The following CSMD1 variants were observed in gnomAD, a reference collection of about 807,000 sequenced individuals.
CSMD1 encodes the protein CUB and Sushi multiple domains 1.
Under a neutral mutation model 417.5 loss-of-function variants are expected in CSMD1, and 213 were observed. That is an observed-to-expected ratio of 0.51 (90% CI 0.46 to 0.57). The LOEUF is 0.57. Ranked by LOEUF, CSMD1 falls within the 20% of genes least tolerant of loss-of-function variation. The pLI is 0.00. For synonymous variants in CSMD1, 2,862 were observed against 1,736.8 expected, an observed-to-expected ratio of 1.65 and a Z score of -16.11; for missense variants, 6,923 against 4,529.7, an observed-to-expected ratio of 1.53 and a Z score of -15.17.
intron 1 of CSMD1, among the ~76,000 whole-genome samples, chr8:4,765,836 A>G (rs1323054474): frequency 1.3e-5 from 2 of 152,124 alleles, no homozygotes; most frequent in African/African-American, 2.4e-5. Context: ...AGTTAGAGAG[A>G]GCTTAGTAAC....
intron 3 of CSMD1, among the ~76,000 whole-genome samples, chr8:4,362,603 A>C: frequency 6.6e-6 from 1 of 152,198 alleles, no homozygotes; most frequent in East Asian, 1.9e-4. Context: ...CTGCTCAATA[A>C]ACATTCTTTT....
chr8:4,276,508 G>T (rs980151304), intron 3 of CSMD1, among the ~76,000 whole-genome samples: 4 of 152,142 alleles, frequency 2.6e-5, no homozygotes, highest in Admixed American at 2.6e-4. Flanking sequence ...GGGTTAGTGG[G>T]TGCAGCAAAC....
chr8:4,097,701 G>C (rs560755159), intron 3 of CSMD1, among the ~76,000 whole-genome samples: 1 of 152,294 alleles, frequency 6.6e-6, no homozygotes, highest in Admixed American at 6.5e-5. Context: ...TTGGAATTCA[G>C]AAAGAACATT....
At chr8:3,719,120 G>C (rs1046020120) in intron 6 of CSMD1, among the ~76,000 whole-genome samples, 1 of 152,180 alleles carries the variant, frequency 6.6e-6, no homozygotes, top group African/African-American at 2.4e-5. Flanking sequence ...GAAAGATTTT[G>C]TGTCCTGTTC....
rs1379918623 is a variant in CSMD1, at chr8:3,347,994, T to G, written c.3472A>C (p.Lys1158Gln). ...ATGTTGGAGAAGATTCTTTTTACCT[T>G]TAGAGTATCTCCTTCAAACAGCTGG... ...SFQLFEGDTL[K>Q]VYDGKDSSSR... is the part of the protein sequence containing the mutation. The change falls in exon 22 of 70, where the codon AAG (lysine) becomes CAG (glutamine). Residue 1158 changes from lysine (K) to glutamine (Q), a missense_variant and splice_region_variant. Transcript: ENST00000635120. 1.1e-5 allele frequency: 17 copies of G among 1,581,422 alleles called. No homozygotes were observed. The highest frequency in any genetic ancestry group is 1.9e-5 in the Admixed American group (1 of 53,102).
intron 1 of CSMD1, among the ~76,000 whole-genome samples, chr8:4,934,642 T>G (rs1170100531): frequency 7.4e-6 from 1 of 134,644 alleles, no homozygotes; most frequent in Non-Finnish European, 1.8e-5. Context: ...CTATATATCA[T>G]GTATTTATTG....
intron 3 of CSMD1, among the ~76,000 whole-genome samples, chr8:4,233,893 G>C (rs1473110357): frequency 2.7e-5 from 4 of 150,736 alleles, no homozygotes; most frequent in Non-Finnish European, 5.9e-5. Flanking sequence ...GCCATATCCA[G>C]TACTTGGATG....
At chr8:4,931,580 G>C (rs1585353468) in intron 1 of CSMD1, among the ~76,000 whole-genome samples, 4 of 148,752 alleles carry the variant, frequency 2.7e-5, no homozygotes, top group Admixed American at 2.7e-4. Flanking sequence ...CAAGAAAAAA[G>C]TCTGGTTTAT....
Position 4,501,544 on chromosome 8 carries a change from A to G in CSMD1, c.303-81479T>C, listed in dbSNP as rs1585172418. Among the ~76,000 whole-genome samples, 3 of 152,262 alleles carry G rather than the reference A, an allele frequency of 2.0e-5. No homozygotes were observed. The South Asian group carries it at 6.2e-4, about 32-fold the overall frequency. On this transcript the variant is annotated intron_variant, in intron 2 of 69. Transcript: ENST00000635120. ...CACTTTCTGTGGTTTCAGTTACCTA[A>G]GGTCAACTGTGGTCCACTGAGGTCT...
chr8:3,250,646 A>G (rs901291689), intron 26 of CSMD1, among the ~76,000 whole-genome samples: 28 of 152,234 alleles, frequency 1.8e-4, no homozygotes, highest in Non-Finnish European at 3.2e-4. Flanking sequence ...TGTCTTCCAC[A>G]ATCATTGAAC....
intron 3 of CSMD1, among the ~76,000 whole-genome samples, chr8:4,187,609 G>A (rs2131200705): frequency 7.0e-6 from 1 of 142,554 alleles, no homozygotes; most frequent in South Asian, 2.2e-4. Flanking sequence ...CCAGGATGTG[G>A]AGGTTGCAGT....
At chr8:4,128,487 AAAACAACC>A (rs899918587) in intron 3 of CSMD1, among the ~76,000 whole-genome samples, 4 of 152,118 alleles carry the variant, frequency 2.6e-5, no homozygotes, top group African/African-American at 9.7e-5. Context: ...TTTAAAATTT[AAAACAACC>A]AAACAAACAA....
intron 9 of CSMD1, among the ~76,000 whole-genome samples, chr8:3,578,804 G>A (rs1156465972): frequency 1.3e-5 from 2 of 152,144 alleles, no homozygotes; most frequent in African/African-American, 2.4e-5. Flanking sequence ...TAGCTTCTGT[G>A]CTAAACAGGC....
chr8:4,984,929 C>T (rs920360952), intron 1 of CSMD1, among the ~76,000 whole-genome samples: 1 of 152,084 alleles, frequency 6.6e-6, no homozygotes, highest in African/African-American at 2.4e-5. Flanking sequence ...CATATGCATC[C>T]GGAAGACCAC....
intron 1 of CSMD1, among the ~76,000 whole-genome samples, chr8:4,670,739 G>T (rs928381683): frequency 1.3e-5 from 2 of 152,138 alleles, no homozygotes; most frequent in Non-Finnish European, 2.9e-5. Flanking sequence ...TTGGCTCTAA[G>T]TGGTTGAGAA....
rs564868441 is a variant in CSMD1 at position 4,887,614 on chromosome 8, T to G, written c.85+106718A>C. ...ATCTATTTCTGCTTTTTAATTCTAT[T>G]GGTTTTGCTTTATTTTCAATATTTA... is the stretch of plus-strand genomic sequence containing the variant. On this transcript the variant is annotated intron_variant, in intron 1 of 69. Transcript: ENST00000635120. 5.9e-5 allele frequency among the ~76,000 whole-genome samples: 9 copies of G among 152,172 alleles called. No homozygotes were observed. The East Asian group carries it at 1.7e-3, about 29-fold the overall frequency.
At chr8:4,115,108 T>G (rs1447379363) in intron 3 of CSMD1, among the ~76,000 whole-genome samples, 1 of 152,124 alleles carries the variant, frequency 6.6e-6, no homozygotes, top group Non-Finnish European at 1.5e-5. Context: ...TAGAGATAAA[T>G]CTTTCATGAA....
intron 51 of CSMD1, among the ~76,000 whole-genome samples, chr8:3,023,976 T>G (rs994946260): frequency 3.3e-5 from 5 of 152,154 alleles, no homozygotes; most frequent in African/African-American, 7.2e-5. Context: ...CTGTGTATCT[T>G]CTATGAAGAA....
intron 54 of CSMD1, among the ~76,000 whole-genome samples, chr8:2,992,971 G>A (rs990749862): frequency 6.6e-6 from 1 of 151,904 alleles, no homozygotes; most frequent in Non-Finnish European, 1.5e-5. Context: ...GGACTCAAGT[G>A]ATCTCCCTGC....
Sources: gnomAD v4.1 joint callset for allele counts (sites outside exome capture counted in the v4.1 genomes callset) on GRCh38, gnomAD v4.1.1 for gene constraint, MANE v1.5 for transcripts, NCBI Gene and HGNC (gene_info 2026-07-23, HGNC 2026-07-21) for gene names.